The following CBLL1 variants were observed in gnomAD, a reference collection of about 807,000 sequenced individuals.
The protein encoded by CBLL1 is Cbl proto-oncogene like 1.
CBLL1 carries 4 observed loss-of-function variants against 44.9 expected under a neutral mutation model. The ratio of observed to expected loss-of-function variants is 0.09; its 90% CI spans 0.04 to 0.20. The LOEUF is 0.20. Ranked by LOEUF, CBLL1 falls within the 10% of genes least tolerant of loss-of-function variation. The pLI, the probability that CBLL1 is intolerant of heterozygous loss-of-function variation, is 1.00. For missense variants in CBLL1, 569 were observed against 636.7 expected (o/e 0.89, Z 1.14); for synonymous variants, 235 against 202.2 (o/e 1.16, Z -1.38).
At chr7:107,744,388 A>C (rs1792898704) in intron 1 of CBLL1, 1 of 546,030 alleles carries the variant, frequency 1.8e-6, no homozygotes, top group Non-Finnish European at 3.1e-6. Flanking sequence ...CCGTGCCGGC[A>C]ACAACCGCTC....
chr7:107,750,811 T>C (rs1003740803), intron 2 of CBLL1, among the ~76,000 whole-genome samples: 17 of 152,286 alleles, frequency 1.1e-4, no homozygotes, highest in Non-Finnish European at 1.9e-4. Context: ...TTCATTTAAG[T>C]ATTATCTATG....
intron 1 of CBLL1, among the ~76,000 whole-genome samples, chr7:107,746,991 G>C (rs1329912545): frequency 6.6e-6 from 1 of 152,162 alleles, no homozygotes; most frequent in African/African-American, 2.4e-5. Context: ...GAATTTATCT[G>C]AAGTGGCCAG....
chr7:107,749,926 G>A (rs1467670899), intron 2 of CBLL1, among the ~76,000 whole-genome samples: 1 of 140,494 alleles, frequency 7.1e-6, no homozygotes, highest in Non-Finnish European at 1.6e-5. Flanking sequence ...ATGTGCGTGT[G>A]TGTATATATA....
Position 107,759,391 on chromosome 7 carries a change from G to A in CBLL1, c.*213G>A, listed in dbSNP as rs1202400574. On this transcript the variant is annotated 3_prime_UTR_variant, in exon 6 of 6. Transcript: ENST00000440859. ...CAGATAAGTGGCTCAGTTGAGCACA[G>A]CTATATTTTAACATCTCTTTGTTCC... 4.7e-6 allele frequency: 2 copies of A among 422,832 alleles called. No individual in the cohort carries two copies. The highest frequency in any genetic ancestry group is 8.3e-6 in the Non-Finnish European group (2 of 239,576). 26.2% of individuals were successfully genotyped at this position (422,832 alleles called of 1,614,324 possible). A position where few individuals can be genotyped will look rare whatever the true frequency, so the allele number is the denominator to read the frequency against.
At chr7:107,751,279 G>A (rs939536730) in intron 2 of CBLL1, among the ~76,000 whole-genome samples, 18 of 152,304 alleles carry the variant, frequency 1.2e-4, no homozygotes, top group South Asian at 2.1e-4. Flanking sequence ...CTGATCTGAC[G>A]GGAGGCGGAG....
At chr7:107,755,991 CAT>C (rs1421151193) in intron 5 of CBLL1, among the ~76,000 whole-genome samples, 1 of 151,972 alleles carries the variant, frequency 6.6e-6, no homozygotes, top group East Asian at 1.9e-4. Context: ...TAGTAGCTGG[CAT>C]ATAGTAAGCA....
chr7:107,745,933 A>G (rs1418371019), intron 1 of CBLL1, among the ~76,000 whole-genome samples: 1 of 148,264 alleles, frequency 6.7e-6, no homozygotes, highest in African/African-American at 2.4e-5. Flanking sequence ...TGCCAAGTGG[A>G]GATGAGAGGA....
chr7:107,758,014 ACTT>A lies in CBLL1; in HGVS notation c.441-126_441-124del. On this transcript the variant is annotated intron_variant, in intron 5 of 5. Coordinates refer to ENST00000440859, the MANE Select transcript of CBLL1 (RefSeq NM_024814.4). The surrounding 1 kb of genome is among the most constrained non-coding windows in gnomAD (Gnocchi z 4.2). ...TAAAGGTTTGCGTAGAATAACTGTA[ACTT>A]CTAATTGTGGACTTTTGCTATGTTT... 1 of 829,090 alleles carries A rather than the reference ACTT, an allele frequency of 1.2e-6. No homozygotes were observed. Among genetic ancestry groups the A allele is most frequent in the Non-Finnish European group, 1.8e-6 (1 of 545,624 alleles). The allele number at this position is 829,090 out of a possible 1,614,324, so 51.4% of individuals were successfully genotyped here. A position where few individuals can be genotyped will look rare whatever the true frequency, so the allele number is the denominator to read the frequency against.
intron 2 of CBLL1, among the ~76,000 whole-genome samples, chr7:107,750,726 G>A (rs1411306690): frequency 6.6e-6 from 1 of 152,112 alleles, no homozygotes; most frequent in Admixed American, 6.5e-5. Flanking sequence ...TTGATTACAG[G>A]TTAGCAAACT....
intron 1 of CBLL1, 133 bp from the exon 2 acceptor site, chr7:107,748,745 CTT>C (rs1237952859): frequency 1.4e-5 from 9 of 661,898 alleles, no homozygotes; most frequent in Non-Finnish European, 2.0e-5. Flanking sequence ...AGCAGTTAAA[CTT>C]AATGTAATAT....
Position 107,753,399 on chromosome 7 carries a change from T to C in CBLL1, c.182-12T>C. The C allele has an allele frequency of 6.5e-7, 1 of 1,546,808 alleles. No homozygotes were observed. The stretch of plus-strand genomic sequence containing the variant: ...TTTGGAAAGTTAATGGGCAATACTT[T>C]TTTTTTCTCAGAAGGATTTGATTAT... On this transcript the variant is annotated splice_polypyrimidine_tract_variant and intron_variant, in intron 2 of 5. Transcript: ENST00000440859.
chr7:107,760,455 A>G lies in CBLL1; in HGVS notation c.*1277A>G, dbSNP rs1445650402. On this transcript the variant is annotated 3_prime_UTR_variant, in exon 6 of 6. Coordinates refer to ENST00000440859, the MANE Select transcript of CBLL1 (RefSeq NM_024814.4). The stretch of plus-strand genomic sequence containing the variant: ...TATTGGAGAAGAGGAAATAACAGCT[A>G]AATTGTGGATTTCAGTGCTTTACAT... 2 of 152,242 alleles carry G rather than the reference A, an allele frequency of 1.3e-5. No homozygotes were observed. The highest frequency in any genetic ancestry group is 6.5e-5 in the Admixed American group (1 of 15,268). The allele number at this position is 152,242 out of a possible 1,614,324, so 9.4% of individuals were successfully genotyped here.
chr7:107,754,983 T>A (rs1172101676), intron 4 of CBLL1, among the ~76,000 whole-genome samples: 1 of 151,908 alleles, frequency 6.6e-6, no homozygotes, highest in East Asian at 1.9e-4. Flanking sequence ...ATAATTAGCC[T>A]GCTGTGGTGG....
At chr7:107,755,397 G>C (rs745552998) in intron 4 of CBLL1, 21 bp from the exon 5 acceptor site, 4 of 1,467,156 alleles carry the variant, frequency 2.7e-6, no homozygotes, top group Non-Finnish European at 1.9e-6. Flanking sequence ...ATGCTTAACT[G>C]TAATATGTCT....
chr7:107,754,977 TTA>T (rs1461279878), intron 4 of CBLL1, among the ~76,000 whole-genome samples: 2 of 151,920 alleles, frequency 1.3e-5, no homozygotes, highest in Non-Finnish European at 2.9e-5. Flanking sequence ...AATAAAATAA[TTA>T]GCCTGCTGTG....
chr7:107,757,607 T>C (rs1022132252), intron 5 of CBLL1, among the ~76,000 whole-genome samples: 4 of 152,212 alleles, frequency 2.6e-5, no homozygotes, highest in Non-Finnish European at 5.9e-5. Flanking sequence ...AAAGGACTTT[T>C]AGTAGTCAAG....
At chr7:107,752,932 A>G (rs749227083) in intron 2 of CBLL1, among the ~76,000 whole-genome samples, 43 of 152,220 alleles carry the variant, frequency 2.8e-4, no homozygotes, top group Non-Finnish European at 2.4e-4. Context: ...TTGCTAATAA[A>G]ATCGATAGAA....
At chr7:107,752,474 G>T in intron 2 of CBLL1, 2 of 628,788 alleles carry the variant, frequency 3.2e-6, no homozygotes, top group Non-Finnish European at 5.2e-6. Context: ...GTCTGTGTCT[G>T]TGTATAGGTG....
intron 5 of CBLL1, among the ~76,000 whole-genome samples, chr7:107,756,938 C>T (rs1793553005): frequency 6.6e-6 from 1 of 152,094 alleles, no homozygotes; most frequent in Non-Finnish European, 1.5e-5. Flanking sequence ...TCTTAAGCAC[C>T]ACCCAAGAGA....
Sources: allele counts gnomAD v4.1 joint callset (sites outside exome capture counted in the v4.1 genomes callset), GRCh38; gene constraint gnomAD v4.1.1; non-coding constraint Gnocchi (gnomAD v3.1); transcripts MANE v1.5; gene names NCBI Gene and HGNC (gene_info 2026-07-23, HGNC 2026-07-21).